The following ABTB3 variants were observed in gnomAD, a reference collection of about 807,000 sequenced individuals.
The protein encoded by ABTB3 is ankyrin repeat and BTB domain containing 3.
At chr12:107,394,466 T>G in the ABTB3 span, among the ~76,000 whole-genome samples, 1 of 152,224 alleles carries the variant, frequency 6.6e-6, no homozygotes, top group Admixed American at 6.5e-5. Flanking sequence ...ATGGCATCCC[T>G]GCTTTAAGAC....
At chr12:107,479,267 T>A in the ABTB3 span, among the ~76,000 whole-genome samples, 2 of 152,098 alleles carry the variant, frequency 1.3e-5, no homozygotes, top group Non-Finnish European at 2.9e-5. Context: ...CCATCTGGGA[T>A]GCCCCTTGAG....
chr12:107,647,026 C>T, the ABTB3 span, among the ~76,000 whole-genome samples: 1 of 152,004 alleles, frequency 6.6e-6, no homozygotes, highest in South Asian at 2.1e-4. Context: ...TTGAGTGGTC[C>T]GAGCATAAAA....
At chr12:107,588,681 C>T in the ABTB3 span, among the ~76,000 whole-genome samples, 28 of 152,188 alleles carry the variant, frequency 1.8e-4, no homozygotes, top group Admixed American at 1.5e-3. Flanking sequence ...CCACCACGCC[C>T]GGCTACTTTT....
the ABTB3 span, chr12:107,319,000 G>C: frequency 1.9e-6 from 3 of 1,613,694 alleles, no homozygotes. Context: ...CGCTGGACTC[G>C]GGTTATGGTG....
the ABTB3 span, among the ~76,000 whole-genome samples, chr12:107,573,505 G>GATGGATGA: frequency 6.6e-6 from 1 of 152,240 alleles, no homozygotes; most frequent in Admixed American, 6.5e-5. Context: ...TGGATGGATG[G>GATGGATGA]ATGGATAGAT....
At chr12:107,363,902 T>C in the ABTB3 span, among the ~76,000 whole-genome samples, 6 of 152,204 alleles carry the variant, frequency 3.9e-5, no homozygotes, top group Non-Finnish European at 8.8e-5. Flanking sequence ...GGCTCACAGT[T>C]GGCTGTACCC....
At chr12:107,433,188 G>A in the ABTB3 span, among the ~76,000 whole-genome samples, 770 of 151,258 alleles carry the variant, frequency 5.1e-3, 7 homozygotes, top group African/African-American at 0.018. Context: ...TACTCGGGAG[G>A]CTGAGGCAGG....
At chr12:107,470,004 CTTTCTT>C in the ABTB3 span, among the ~76,000 whole-genome samples, 879 of 95,206 alleles carry the variant, frequency 9.2e-3, 31 homozygotes, top group Middle Eastern at 0.015. Context: ...TTCTTTCTTT[CTTTCTT>C]TCTCTCTCTC....
At chr12:107,324,562 G>A in the ABTB3 span, among the ~76,000 whole-genome samples, 46 of 152,142 alleles carry the variant, frequency 3.0e-4, no homozygotes, top group African/African-American at 9.9e-4. Flanking sequence ...TTAGTGAAGA[G>A]GCACCAGGAA....
chr12:107,582,059 A>C, the ABTB3 span, among the ~76,000 whole-genome samples: 104 of 152,104 alleles, frequency 6.8e-4, 2 homozygotes, highest in African/African-American at 2.4e-3. Flanking sequence ...CCTTTCCTCC[A>C]CAGTTCATCC....
the ABTB3 span, chr12:107,649,060 T>C: frequency 1.5e-6 from 1 of 665,684 alleles, no homozygotes. Context: ...AGTGAGCTCT[T>C]GGTCACTGGT....
At chr12:107,366,198 G>T in the ABTB3 span, among the ~76,000 whole-genome samples, 2 of 152,162 alleles carry the variant, frequency 1.3e-5, no homozygotes, top group African/African-American at 4.8e-5. Flanking sequence ...GTCTTTCAGT[G>T]CTTGACACCC....
At chr12:107,433,877 A>G in the ABTB3 span, among the ~76,000 whole-genome samples, 85 of 152,352 alleles carry the variant, frequency 5.6e-4, no homozygotes, top group East Asian at 9.5e-3. Flanking sequence ...ATCAGGGATC[A>G]GTCGGGTTCT....
chr12:107,619,934 CCTCT>C, the ABTB3 span: 1 of 1,484,062 alleles, frequency 6.7e-7, no homozygotes, highest in Non-Finnish European at 9.0e-7. Flanking sequence ...CCACCTTTCC[CCTCT>C]CTCTCCCCCT....
chr12:107,633,423 T>G, the ABTB3 span, among the ~76,000 whole-genome samples: 34 of 152,350 alleles, frequency 2.2e-4, no homozygotes, highest in South Asian at 6.6e-3. Context: ...ACTAAAGCAC[T>G]AACCTTAATT....
At chr12:107,452,638 G>A in the ABTB3 span, among the ~76,000 whole-genome samples, 1 of 152,098 alleles carries the variant, frequency 6.6e-6, no homozygotes, top group South Asian at 2.1e-4. Context: ...TCAGGAGTTC[G>A]TGATCAGCCT....
At chr12:107,435,812 G>C in the ABTB3 span, among the ~76,000 whole-genome samples, 1 of 152,140 alleles carries the variant, frequency 6.6e-6, no homozygotes. Flanking sequence ...CAGGACCAGA[G>C]GGCCTATCCC....
At chr12:107,552,269 G>A in the ABTB3 span, among the ~76,000 whole-genome samples, 2 of 152,098 alleles carry the variant, frequency 1.3e-5, no homozygotes, top group African/African-American at 4.8e-5. Context: ...AAGAAATAAA[G>A]TTTGAAAGCC....
chr12:107,491,984 A>G, the ABTB3 span, among the ~76,000 whole-genome samples: 1 of 117,226 alleles, frequency 8.5e-6, no homozygotes, highest in Non-Finnish European at 1.7e-5. Context: ...AGGAGAGGAA[A>G]CCTCTAGTCC....
Sources: allele counts gnomAD v4.1 joint callset (sites outside exome capture counted in the v4.1 genomes callset), GRCh38; gene constraint gnomAD v4.1.1; transcripts MANE v1.5; gene names NCBI Gene and HGNC (gene_info 2026-07-23, HGNC 2026-07-21).